Variants in CPNE4 observed in about 807,000 individuals in gnomAD.
CPNE4 encodes the protein copine 4.
In CPNE4, 25 loss-of-function variants were observed where a neutral mutation model predicts 67.9. The observed-to-expected ratio is 0.37, with a 90% CI of 0.27 to 0.51. CPNE4 has a LOEUF of 0.51. CPNE4 is among the 20% of genes least tolerant of loss of function. CPNE4 has a pLI of 0.93. For synonymous variants in CPNE4, 242 were observed against 244.9 expected, an observed-to-expected ratio of 0.99 and a Z score of 0.11; for missense variants, 464 against 690.8, an observed-to-expected ratio of 0.67 and a Z score of 3.68.
chr3:131,811,860 A>T (rs1286944447), intron 2 of CPNE4, among the ~76,000 whole-genome samples: 1 of 152,188 alleles, frequency 6.6e-6, no homozygotes, highest in African/African-American at 2.4e-5. Flanking sequence ...TGTGATAGCT[A>T]TAAATATCCT....
intron 1 of CPNE4, among the ~76,000 whole-genome samples, chr3:131,993,595 T>A (rs1251091137): frequency 7.5e-6 from 1 of 132,816 alleles, no homozygotes; most frequent in African/African-American, 2.5e-5. Context: ...AGAAGCAGAA[T>A]CAAAGCCCTT....
chr3:131,639,034 A>AATTTCCATATTGATTTCATTGTT, intron 7 of CPNE4, among the ~76,000 whole-genome samples: 1 of 152,192 alleles, frequency 6.6e-6, no homozygotes, highest in African/African-American at 2.4e-5. Flanking sequence ...GAAAGTTCAT[A>AATTTCCATATTGATTTCATTGTT]GCATTAAATG....
chr3:131,960,999 G>C (rs1054823097), intron 1 of CPNE4, among the ~76,000 whole-genome samples: 1 of 152,066 alleles, frequency 6.6e-6, no homozygotes, highest in African/African-American at 2.4e-5. Context: ...CTATAACAAT[G>C]GTACAAACTC....
rs771191428 is a variant in CPNE4, at chr3:131,685,911, A to G, written c.555T>C (p.Asn185=). Residue 185 remains asparagine (N), a synonymous_variant, in exon 6 of 16, where the codon AAT becomes AAC. Coordinates refer to ENST00000429747, the MANE Select transcript of CPNE4 (RefSeq NM_130808.3). ...SDPFLEIFRM[N]DDATQQLVHR... is the part of the protein sequence containing the mutation. ...GCACCAGCTGCTGAGTTGCATCATC[A>G]TTCATACGAAAAATTTCCAGAAATG... 2.5e-6 allele frequency: 4 copies of G among 1,613,548 alleles called. No homozygotes were observed. The highest frequency in any genetic ancestry group is 3.4e-6 in the Non-Finnish European group (4 of 1,179,496).
intron 7 of CPNE4, among the ~76,000 whole-genome samples, chr3:131,653,018 G>A (rs747176266): frequency 3.3e-5 from 5 of 152,060 alleles, no homozygotes; most frequent in Non-Finnish European, 7.3e-5. Context: ...TTTCATCCAC[G>A]TGACCAATAG....
At chr3:131,673,394 G>A (rs1910255) in intron 6 of CPNE4, among the ~76,000 whole-genome samples, 9,189 of 152,032 alleles carry the variant, frequency 0.06, 641 homozygotes, top group East Asian at 0.36. Flanking sequence ...TTTTGATAAA[G>A]ATTGCATTGA....
intron 14 of CPNE4, among the ~76,000 whole-genome samples, chr3:131,543,929 C>T (rs1467437023): frequency 1.3e-5 from 2 of 152,190 alleles, no homozygotes; most frequent in East Asian, 3.8e-4. Context: ...CCCTTTCCAT[C>T]TGGAAAGCTG....
intron 1 of CPNE4, among the ~76,000 whole-genome samples, chr3:131,951,524 C>G (rs1269500302): frequency 3.9e-5 from 6 of 152,126 alleles, no homozygotes; most frequent in African/African-American, 1.2e-4. Context: ...CCCTCTCCCT[C>G]TCCTTCACCC....
intron 2 of CPNE4, among the ~76,000 whole-genome samples, chr3:131,795,140 C>CA (rs1166148559): frequency 3.3e-5 from 5 of 151,788 alleles, no homozygotes; most frequent in Admixed American, 1.3e-4. Context: ...AGTGAGTTGA[C>CA]AAAAAAAATC....
intron 1 of CPNE4, among the ~76,000 whole-genome samples, chr3:131,964,189 G>T (rs1265781376): frequency 6.6e-6 from 1 of 152,000 alleles, no homozygotes; most frequent in Admixed American, 6.6e-5. Flanking sequence ...CAACAAAAAG[G>T]ACACCCACTC....
intron 2 of CPNE4, among the ~76,000 whole-genome samples, chr3:131,782,854 TGGC>T (rs1410529560): frequency 6.6e-6 from 1 of 152,122 alleles, no homozygotes; most frequent in Non-Finnish European, 1.5e-5. Context: ...ATGCACCTCC[TGGC>T]TTGGAGGCTG....
intron 7 of CPNE4, among the ~76,000 whole-genome samples, chr3:131,615,911 ACACACACACACACACACG>A (rs1323946953): frequency 0.02 from 1,991 of 101,352 alleles, 40 homozygotes; most frequent in African/African-American, 0.11. Flanking sequence ...ACACACACAC[ACACACACACACACACACG>A]CACACACACA....
At chr3:131,598,770 G>A (rs1024766286) in intron 7 of CPNE4, among the ~76,000 whole-genome samples, 3 of 150,872 alleles carry the variant, frequency 2.0e-5, no homozygotes, top group Non-Finnish European at 4.4e-5. Flanking sequence ...CTAATTCTAC[G>A]ATGTCCAACC....
intron 6 of CPNE4, among the ~76,000 whole-genome samples, chr3:131,673,075 G>A (rs147698968): frequency 7.6e-4 from 116 of 152,128 alleles, no homozygotes; most frequent in African/African-American, 2.6e-3. Context: ...AGTTTTCCCA[G>A]CACCATTTAT....
chr3:131,677,781 A>T (rs918887402), intron 6 of CPNE4, among the ~76,000 whole-genome samples: 1 of 152,040 alleles, frequency 6.6e-6, no homozygotes, highest in Non-Finnish European at 1.5e-5. Flanking sequence ...ATTCTGTTCC[A>T]TTGGTCTATG....
intron 10 of CPNE4, among the ~76,000 whole-genome samples, chr3:131,571,892 C>A (rs1937355286): frequency 6.6e-6 from 1 of 152,060 alleles, no homozygotes; most frequent in African/African-American, 2.4e-5. Context: ...CCTGTTTATT[C>A]ATTTTCCTAA....
At position 132,032,536 on chromosome 3, in the gene CPNE4, A is replaced by G. The variant is rs367721711; in HGVS notation, c.-2+2031T>C. On this transcript the variant is annotated intron_variant, in intron 1 of 15. Coordinates refer to ENST00000429747, the MANE Select transcript of CPNE4 (RefSeq NM_130808.3). ...GTTTTGAGTTTGATCCTCTAAAACC[A>G]TAAGAATCTTCCCATGAGAGATAGT... is the stretch of plus-strand genomic sequence containing the variant. 3.9e-5 allele frequency among the ~76,000 whole-genome samples: 6 copies of G among 152,356 alleles called. No homozygotes were observed. The East Asian group carries it at 5.8e-4, about 15-fold the overall frequency.
At chr3:131,918,141 A>C (rs2070627842) in intron 1 of CPNE4, among the ~76,000 whole-genome samples, 1 of 152,138 alleles carries the variant, frequency 6.6e-6, no homozygotes, top group Non-Finnish European at 1.5e-5. Context: ...CAGAAAATCT[A>C]AATAAATTGC....
At chr3:131,641,548 CTT>C (rs2079542025) in intron 7 of CPNE4, among the ~76,000 whole-genome samples, 1 of 152,116 alleles carries the variant, frequency 6.6e-6, no homozygotes, top group South Asian at 2.1e-4. Flanking sequence ...AAAGGGAACA[CTT>C]TTACACTGAT....
Sources: gnomAD v4.1 joint callset for allele counts (sites outside exome capture counted in the v4.1 genomes callset) on GRCh38, gnomAD v4.1.1 for gene constraint, MANE v1.5 for transcripts, NCBI Gene and HGNC (gene_info 2026-07-23, HGNC 2026-07-21) for gene names.